CCDC169: variants seen among roughly 807,000 people sequenced by gnomAD.
CCDC169 encodes the protein coiled-coil domain containing 169, also known as coiled-coil domain-containing protein 169.
A neutral mutation model predicts 36.0 loss-of-function variants in CCDC169; 30 were observed. That is an observed-to-expected ratio of 0.83 (90% CI 0.62 to 1.13). The LOEUF (loss-of-function observed/expected upper bound fraction) is 1.13. CCDC169 is among the 50% of genes most tolerant of loss of function. The pLI is 0.00. For missense variants in CCDC169, 245 were observed against 245.9 expected (o/e 1.00, Z 0.03); for synonymous variants, 85 against 81.5 (o/e 1.04, Z -0.23).
intron 6 of CCDC169, among the ~76,000 whole-genome samples, chr13:36,253,318 G>A (rs1302196535): frequency 6.6e-6 from 1 of 150,620 alleles, no homozygotes; most frequent in East Asian, 2.0e-4. Context: ...TCTTAATTTG[G>A]AAAACTGTTA....
chr13:36,287,221 G>A (rs1878360667), intron 2 of CCDC169, among the ~76,000 whole-genome samples: 1 of 152,064 alleles, frequency 6.6e-6, no homozygotes, highest in Non-Finnish European at 1.5e-5. Flanking sequence ...AGCTGCTGGT[G>A]CTAGGACTCA....
chr13:36,282,937 T>C (rs539321885), intron 4 of CCDC169: 6 of 154,204 alleles, frequency 3.9e-5, no homozygotes, highest in African/African-American at 1.4e-4. Context: ...AGACAGAATA[T>C]TTTATATCCA....
chr13:36,293,843 A>T (rs1375004360), intron 2 of CCDC169, among the ~76,000 whole-genome samples: 2 of 152,138 alleles, frequency 1.3e-5, no homozygotes, highest in South Asian at 4.1e-4. Flanking sequence ...CAGAATTATA[A>T]GAGTTTGTTG....
chr13:36,261,767 A>G (rs1438185067), intron 4 of CCDC169, among the ~76,000 whole-genome samples: 1 of 152,178 alleles, frequency 6.6e-6, no homozygotes, highest in Non-Finnish European at 1.5e-5. Flanking sequence ...GGAAAGCTGT[A>G]TTCTTTATGA....
chr13:36,227,868 G>T (rs1392976587), downstream of CCDC169, among the ~76,000 whole-genome samples: 1 of 152,038 alleles, frequency 6.6e-6, no homozygotes. Flanking sequence ...TCTATTTTCT[G>T]TCTCTATGGA....
At chr13:36,225,469 T>G (rs964010092), downstream of CCDC169, 3 of 152,344 alleles carry the variant, frequency 2.0e-5, no homozygotes, top group African/African-American at 7.2e-5. Flanking sequence ...CCTTCCAAAG[T>G]GTTGGGATTA....
chr13:36,231,395 C>T (rs976890035), intron 7 of CCDC169, 103 bp from the exon 8 acceptor site: 10 of 1,112,712 alleles, frequency 9.0e-6, no homozygotes, highest in African/African-American at 7.9e-5. Context: ...CTTGTTCCCC[C>T]CAACAGACCT....
intron 7 of CCDC169, among the ~76,000 whole-genome samples, chr13:36,241,938 G>T (rs1871876843): frequency 6.6e-6 from 1 of 152,106 alleles, no homozygotes; most frequent in Non-Finnish European, 1.5e-5. Context: ...GGTGATAGTG[G>T]GTTCTCACGA....
At chr13:36,283,385 C>A in intron 4 of CCDC169, 84 bp downstream of exon 4, 1 of 1,338,352 alleles carries the variant, frequency 7.5e-7, no homozygotes, top group African/African-American at 1.5e-5. Flanking sequence ...CGCTAGTCTT[C>A]AAACTTCTCT....
chr13:36,236,378 G>T (rs1871083191), intron 7 of CCDC169, among the ~76,000 whole-genome samples: 2 of 151,996 alleles, frequency 1.3e-5, no homozygotes, highest in Non-Finnish European at 2.9e-5. Flanking sequence ...TTACAAGAGT[G>T]CCAAGAGCAT....
intron 4 of CCDC169, among the ~76,000 whole-genome samples, chr13:36,258,148 T>C (rs1874153265): frequency 6.6e-6 from 1 of 152,202 alleles, no homozygotes. Flanking sequence ...CTTTTGAGAC[T>C]GTTATTGACA....
chr13:36,288,064 A>G (rs1438224022), intron 2 of CCDC169, among the ~76,000 whole-genome samples: 4 of 151,890 alleles, frequency 2.6e-5, no homozygotes, highest in Non-Finnish European at 5.9e-5. Flanking sequence ...GCTAGAGTGC[A>G]GTGGCGCAAT....
chr13:36,276,666 T>C (rs1047602359), intron 4 of CCDC169, among the ~76,000 whole-genome samples: 2 of 152,072 alleles, frequency 1.3e-5, no homozygotes, highest in African/African-American at 4.8e-5. Flanking sequence ...ATAGGAAAAC[T>C]AGAGAAAGAG....
At chr13:36,278,744 A>G (rs1233972598) in intron 4 of CCDC169, among the ~76,000 whole-genome samples, 3 of 151,924 alleles carry the variant, frequency 2.0e-5, no homozygotes, top group Non-Finnish European at 2.9e-5. Flanking sequence ...CAGACTGCAT[A>G]TTTTTCCTGA....
intron 7 of CCDC169, among the ~76,000 whole-genome samples, chr13:36,235,719 A>T (rs1167893168): frequency 6.6e-6 from 1 of 151,878 alleles, no homozygotes; most frequent in Non-Finnish European, 1.5e-5. Flanking sequence ...ACATGTTCTT[A>T]TATATAGAAA....
intron 4 of CCDC169, among the ~76,000 whole-genome samples, chr13:36,261,626 C>A (rs1359450095): frequency 6.6e-6 from 1 of 152,198 alleles, no homozygotes; most frequent in African/African-American, 2.4e-5. Flanking sequence ...TGGTTGATAT[C>A]CAAGACTGGC....
At chr13:36,250,703 C>A (rs872720) in intron 6 of CCDC169, among the ~76,000 whole-genome samples, 61,609 of 151,912 alleles carry the variant, frequency 0.41, 13,263 homozygotes, top group Non-Finnish European at 0.48. Flanking sequence ...AAAACAAAAA[C>A]CTATGGGAAG....
chr13:36,297,646 A>C lies in CCDC169; in HGVS notation c.74T>G (p.Val25Gly). 6.4e-7 allele frequency: 1 copy of C among 1,550,724 alleles called. No individual in the cohort carries two copies. The highest frequency in any genetic ancestry group is 8.7e-7 in the Non-Finnish European group (1 of 1,146,974). The change falls in exon 1 of 8, where the codon GTC becomes GGC. Residue 25 changes from valine to glycine, a missense_variant. Coordinates refer to ENST00000239859, the MANE Select transcript of CCDC169 (RefSeq NM_001144981.3). Reference sequence around the variant, plus strand: ...CCGCCCGCCGACTCACTTCTTGCGGACTTCTTCCAGCAACTGCTGTTTCAG... The same window carrying C: ...CCGCCCGCCGACTCACTTCTTGCGGCCTTCTTCCAGCAACTGCTGTTTCAG... ...NRLKQQLLEE[V>G]RKKDAVQLSI...
intron 2 of CCDC169, 23 bp from the exon 3 acceptor site, chr13:36,283,725 A>C: frequency 6.7e-7 from 1 of 1,488,378 alleles, no homozygotes; most frequent in Non-Finnish European, 9.2e-7. Flanking sequence ...AGGGAGAAAC[A>C]ATCAAGATCA....
Sources: allele counts gnomAD v4.1 joint callset (sites outside exome capture counted in the v4.1 genomes callset), GRCh38; gene constraint gnomAD v4.1.1; transcripts MANE v1.5; gene names NCBI Gene and HGNC (gene_info 2026-07-23, HGNC 2026-07-21).